The following FAM161A variants were observed in gnomAD, a reference collection of about 807,000 sequenced individuals.
The protein encoded by FAM161A is protein FAM161A.
Under a neutral mutation model 70.9 loss-of-function variants are expected in FAM161A, and 57 were observed. That is an observed-to-expected ratio of 0.80 (90% confidence interval 0.65 to 1.00). The LOEUF (loss-of-function observed/expected upper bound fraction) is 1.00. FAM161A is among the 50% of genes least tolerant of loss of function. The pLI, the probability that FAM161A is intolerant of heterozygous loss-of-function variation, is 0.00. For synonymous variants in FAM161A, 299 were observed against 295.7 expected (o/e 1.01, Z -0.12); for missense variants, 880 against 836.0 (o/e 1.05, Z -0.65).
At chr2:61,840,959 A>G (rs943880912) in intron 2 of FAM161A, among the ~76,000 whole-genome samples, 3 of 152,192 alleles carry the variant, frequency 2.0e-5, no homozygotes, top group South Asian at 2.1e-4. Flanking sequence ...CAAGAGTTAC[A>G]TATTTTCTAA....
At position 61,826,169 on chromosome 2, in the gene FAM161A, A is replaced by G; in HGVS notation, c.*286T>C. The stretch of plus-strand genomic sequence containing the variant: ...TTAATGAAATAATGTATATTTTTAT[A>G]ACTAATCAGTTTGTGACAGCTGTGG... On this transcript the variant is annotated 3_prime_UTR_variant, in exon 7 of 7. Transcript: ENST00000404929. The G allele has an allele frequency of 1.8e-6, 1 of 562,102 alleles. No individual in the cohort carries two copies. Among genetic ancestry groups the G allele is most frequent in the Non-Finnish European group, 3.3e-6 (1 of 298,698 alleles). 34.8% of individuals were successfully genotyped at this position (562,102 alleles called of 1,614,324 possible). A position where few individuals can be genotyped will look rare whatever the true frequency, so the allele number is the denominator to read the frequency against.
the FAM161A span, among the ~76,000 whole-genome samples, chr2:61,818,913 G>A: frequency 2.6e-5 from 4 of 152,134 alleles, no homozygotes; most frequent in African/African-American, 9.7e-5. Flanking sequence ...GAGAACTGAT[G>A]GATAGCCCTT....
downstream of FAM161A, chr2:61,820,523 T>C: frequency 2.7e-6 from 2 of 748,840 alleles, no homozygotes; most frequent in Non-Finnish European, 4.9e-6. Flanking sequence ...AAGGTATTTG[T>C]TGCTGGCATT....
chr2:61,839,673 T>G lies in FAM161A; in HGVS notation c.1331A>C (p.Glu444Ala). The change falls in exon 3 of 7, where the codon GAA becomes GCA. Residue 444 changes from glutamate to alanine, a missense_variant. Coordinates refer to ENST00000404929, the MANE Select transcript of FAM161A (RefSeq NM_001201543.2). ...LPERYQKHLSEHKSPKLLTVC... is the reference protein window; with the variant it reads ...LPERYQKHLSAHKSPKLLTVC... ...TGTTAAGAGTTTTGGAGACTTGTGT[T>G]CTGAGAGGTGTTTCTGGTATCTCTC... 6.2e-7 allele frequency: 1 copy of G among 1,614,256 alleles called. No homozygotes were observed. The highest frequency in any genetic ancestry group is 8.5e-7 in the Non-Finnish European group (1 of 1,180,050).
At chr2:61,833,954 G>A (rs896442598) in intron 5 of FAM161A, among the ~76,000 whole-genome samples, 5 of 152,184 alleles carry the variant, frequency 3.3e-5, no homozygotes, top group Non-Finnish European at 7.4e-5. Flanking sequence ...GAGCCCAGGA[G>A]TTCAAGGTTC....
chr2:61,814,907 TC>T, the FAM161A span, among the ~76,000 whole-genome samples: 6 of 152,144 alleles, frequency 3.9e-5, no homozygotes, highest in East Asian at 1.2e-3. Flanking sequence ...AATACAGTTA[TC>T]CTTTCCAGGG....
At chr2:61,808,905 G>A in the FAM161A span, among the ~76,000 whole-genome samples, 1 of 151,776 alleles carries the variant, frequency 6.6e-6, no homozygotes, top group East Asian at 1.9e-4. Flanking sequence ...ACAGAATCTC[G>A]CTCTGTCACC....
In FAM161A at chr2:61,833,714, C is replaced by T. The variant is rs61446577; in HGVS notation, c.1851+2296G>A. Reference sequence around the variant, plus strand: ...TGAATAATAAAATACCACTTTGTACCCACTAGGAAGACTATAACAAAAAGA... The same window carrying T: ...TGAATAATAAAATACCACTTTGTACTCACTAGGAAGACTATAACAAAAAGA... On this transcript the variant is annotated intron_variant, in intron 5 of 6. Transcript: ENST00000404929. 5.2e-3 allele frequency among the ~76,000 whole-genome samples: 761 copies of T among 146,910 alleles called. 3 individuals carry two copies. The highest frequency in any genetic ancestry group is 0.018 in the African/African-American group (739 of 40,280).
chr2:61,806,418 C>T, the FAM161A span, among the ~76,000 whole-genome samples: 2 of 152,188 alleles, frequency 1.3e-5, no homozygotes, highest in African/African-American at 4.8e-5. Flanking sequence ...GCCCTTGCCC[C>T]CTATTATTCT....
chr2:61,835,975 A>C (rs1672756084), intron 5 of FAM161A, 35 bp downstream of exon 5: 5 of 1,333,892 alleles, frequency 3.7e-6, no homozygotes, highest in East Asian at 2.3e-5. Flanking sequence ...AAAAAAAAAA[A>C]CTGACGATAG....
intron 1 of FAM161A, among the ~76,000 whole-genome samples, chr2:61,844,407 C>T (rs6750080): frequency 0.22 from 33,313 of 151,552 alleles, 3,795 homozygotes; most frequent in Non-Finnish European, 0.24. Context: ...TTTTTAAACT[C>T]TACCTTTGAG....
intron 5 of FAM161A, among the ~76,000 whole-genome samples, chr2:61,830,400 G>A (rs1027349737): frequency 6.6e-6 from 1 of 152,042 alleles, no homozygotes; most frequent in South Asian, 2.1e-4. Context: ...AGAACAGTAG[G>A]CCAGGCACGG....
the FAM161A span, among the ~76,000 whole-genome samples, chr2:61,814,065 G>C: frequency 6.6e-6 from 1 of 152,172 alleles, no homozygotes; most frequent in Non-Finnish European, 1.5e-5. Context: ...GCAGCAATGG[G>C]AGGGAACATG....
chr2:61,842,301 G>A lies in FAM161A; in HGVS notation c.243C>T (p.Asp81=). 1 of 1,606,668 alleles carries A rather than the reference G, an allele frequency of 6.2e-7. No individual in the cohort carries two copies. ...GGTGAATATCAGGAAAGTTCACAAAGTCCTCATAGCTTATCGGTGCATGTT... is the reference window on the plus strand; with the variant it reads ...GGTGAATATCAGGAAAGTTCACAAAATCCTCATAGCTTATCGGTGCATGTT... ...VDEHAPISYE[D]FVNFPDIHHS... is the part of the protein sequence containing the mutation. Residue 81 remains aspartate, a synonymous_variant, in exon 2 of 7, where the codon GAC becomes GAT. Coordinates refer to ENST00000404929, the MANE Select transcript of FAM161A (RefSeq NM_001201543.2).
intron 4 of FAM161A, 161 bp from the exon 5 acceptor site, chr2:61,836,270 T>TTGG (rs1672771465): frequency 3.2e-6 from 2 of 627,782 alleles, no homozygotes; most frequent in South Asian, 3.8e-5. Flanking sequence ...AGTTCACAGT[T>TTGG]TACCTCGATT....
the FAM161A span, among the ~76,000 whole-genome samples, chr2:61,817,003 A>G: frequency 1.3e-5 from 2 of 152,338 alleles, no homozygotes; most frequent in Non-Finnish European, 2.9e-5. Flanking sequence ...AAGAAACTGC[A>G]ATTCGAAACT....
rs1672939914 is a variant in FAM161A at position 61,839,875 on chromosome 2, C to T, written c.1129G>A (p.Glu377Lys). 11 of 1,614,100 alleles carry T rather than the reference C, an allele frequency of 6.8e-6. No homozygotes were observed. The highest frequency in any genetic ancestry group is 9.3e-6 in the Non-Finnish European group (11 of 1,179,978). The change falls in exon 3 of 7, where the codon GAG becomes AAG. Residue 377 changes from glutamate (E) to lysine (K), a missense_variant. Physicochemically the swap from Glu to Lys is moderately conservative, Grantham distance 56 (BLOSUM62 1). Coordinates refer to ENST00000404929, the MANE Select transcript of FAM161A (RefSeq NM_001201543.2). ...TGTGTCCTAAGGTTTCGATAGAGCTCTTCTTCTTTTAACTTGTCATTGGTA... is the reference window on the plus strand; with the variant it reads ...TGTGTCCTAAGGTTTCGATAGAGCTTTTCTTCTTTTAACTTGTCATTGGTA... ...STTNDKLKEE[E>K]LYRNLRTQLR...
the FAM161A span, among the ~76,000 whole-genome samples, chr2:61,811,268 G>A: frequency 2.0e-5 from 3 of 152,166 alleles, no homozygotes; most frequent in Non-Finnish European, 2.9e-5. Context: ...TGAGATCATG[G>A]TTCACTGTAG....
intron 5 of FAM161A, among the ~76,000 whole-genome samples, chr2:61,833,890 G>C (rs1263774235): frequency 2.0e-5 from 3 of 152,166 alleles, no homozygotes; most frequent in African/African-American, 7.2e-5. Flanking sequence ...AGCTGGGCAT[G>C]ATGGTGTGGG....
Sources: gnomAD v4.1 joint callset for allele counts (sites outside exome capture counted in the v4.1 genomes callset) on GRCh38, gnomAD v4.1.1 for gene constraint, MANE v1.5 for transcripts, NCBI Gene and HGNC (gene_info 2026-07-23, HGNC 2026-07-21) for gene names.